NAT1: variants seen among roughly 807,000 people sequenced by gnomAD.
NAT1 encodes arylamine N-acetyltransferase 1.
For synonymous variants in NAT1, 144 were observed against 122.6 expected, an observed-to-expected ratio of 1.17 and a Z score of -1.16; for missense variants, 400 against 339.2, an observed-to-expected ratio of 1.18 and a Z score of -1.41.
At chr8:18,173,724 GT>G (rs1206887418) in intron 2 of NAT1, among the ~76,000 whole-genome samples, 1 of 152,102 alleles carries the variant, frequency 6.6e-6, no homozygotes, top group Non-Finnish European at 1.5e-5. Context: ...TCATAGATTT[GT>G]TGTGATTATT....
intron 2 of NAT1, among the ~76,000 whole-genome samples, chr8:18,194,818 TA>T (rs57703927): frequency 0.59 from 85,052 of 143,366 alleles, 25,825 homozygotes; most frequent in Non-Finnish European, 0.69. Context: ...GACTCTGTCT[TA>T]AAAAAAAAAA....
intron 1 of NAT1, among the ~76,000 whole-genome samples, chr8:18,214,093 A>G (rs1469381532): frequency 4.6e-5 from 7 of 152,162 alleles, no homozygotes; most frequent in South Asian, 2.1e-4. Flanking sequence ...GATTACAGGC[A>G]TGAGCAACCG....
intron 1 of NAT1, chr8:18,217,131 T>C (rs1804757297): frequency 1.6e-6 from 1 of 624,198 alleles, no homozygotes; most frequent in Non-Finnish European, 2.8e-6. Context: ...CCCTCTGGAG[T>C]CCCCATGATG....
At chr8:18,206,306 C>G (rs1282131703), upstream of NAT1, among the ~76,000 whole-genome samples, 1 of 152,168 alleles carries the variant, frequency 6.6e-6, no homozygotes, top group Non-Finnish European at 1.5e-5. Flanking sequence ...TGTGTGTTCC[C>G]TCTGTTCACT....
intron 2 of NAT1, among the ~76,000 whole-genome samples, chr8:18,204,654 A>G (rs1803630810): frequency 6.6e-6 from 1 of 152,238 alleles, no homozygotes; most frequent in African/African-American, 2.4e-5. Context: ...ATACAGATAT[A>G]GACAGTTCAA....
At chr8:18,207,521 A>T (rs976989372), upstream of NAT1, among the ~76,000 whole-genome samples, 1 of 152,218 alleles carries the variant, frequency 6.6e-6, no homozygotes, top group African/African-American at 2.4e-5. Flanking sequence ...CCATGAGCTC[A>T]CCATCACTGA....
At chr8:18,202,821 C>T (rs1033449519) in intron 2 of NAT1, among the ~76,000 whole-genome samples, 2 of 152,088 alleles carry the variant, frequency 1.3e-5, no homozygotes, top group African/African-American at 4.8e-5. Flanking sequence ...GCTTCCACAG[C>T]GTGGAAGGGG....
At chr8:18,188,420 C>G (rs774509234) in intron 2 of NAT1, among the ~76,000 whole-genome samples, 2 of 151,972 alleles carry the variant, frequency 1.3e-5, no homozygotes, top group Non-Finnish European at 2.9e-5. Flanking sequence ...TTAAGATATT[C>G]CAGCATGGGG....
At chr8:18,196,521 T>C (rs1370640367) in intron 2 of NAT1, among the ~76,000 whole-genome samples, 1 of 152,232 alleles carries the variant, frequency 6.6e-6, no homozygotes, top group Non-Finnish European at 1.5e-5. Context: ...TATAGGACCT[T>C]AAACTATCTC....
Position 18,222,274 on chromosome 8 carries a change from A to T in NAT1, c.227A>T (p.Tyr76Phe), listed in dbSNP as rs1184525084. Residue 76 changes from tyrosine to phenylalanine, a missense_variant, in exon 3 of 3, where the codon TAC becomes TTC. Tyr to Phe is a conservative substitution (Grantham distance 22). Coordinates refer to ENST00000307719, the MANE Select transcript of NAT1 (RefSeq NM_000662.8). Reference protein sequence around the residue: ...GWCLQVNHLLYWALTTIGFET... With the variant: ...GWCLQVNHLLFWALTTIGFET... ...TGTCTCCAGGTCAATCATCTTCTGT[A>T]CTGGGCTCTGACCACTATTGGTTTT... 6.2e-7 allele frequency: 1 copy of T among 1,613,982 alleles called. No homozygotes were observed. The highest frequency in any genetic ancestry group is 1.7e-5 in the Admixed American group (1 of 59,996).
chr8:18,201,856 C>T (rs558700910), intron 2 of NAT1, among the ~76,000 whole-genome samples: 7 of 152,138 alleles, frequency 4.6e-5, no homozygotes, highest in Non-Finnish European at 7.3e-5. Flanking sequence ...CATATGAAGC[C>T]CTGGAAGCTG....
At chr8:18,221,938 TA>T in intron 2 of NAT1, 103 bp from the exon 3 acceptor site, 1 of 1,202,710 alleles carries the variant, frequency 8.3e-7, no homozygotes, top group Non-Finnish European at 1.2e-6. Context: ...ATTATACTTA[TA>T]ACCATTGTAT....
chr8:18,173,315 C>G (rs971644), intron 2 of NAT1, among the ~76,000 whole-genome samples: 39,717 of 152,122 alleles, frequency 0.26, 5,755 homozygotes, highest in African/African-American at 0.37. Context: ...TGAGTTCATA[C>G]TATCTAGCAT....
At chr8:18,180,387 A>T (rs1218367495) in intron 2 of NAT1, among the ~76,000 whole-genome samples, 2 of 152,184 alleles carry the variant, frequency 1.3e-5, no homozygotes, top group Non-Finnish European at 2.9e-5. Context: ...GCAAGCAGGT[A>T]TGAAGCCTAT....
chr8:18,182,427 A>T (rs191697044), intron 2 of NAT1, among the ~76,000 whole-genome samples: 450 of 152,272 alleles, frequency 3.0e-3, no homozygotes, highest in Non-Finnish European at 5.1e-3. Flanking sequence ...ACTGATGTTT[A>T]TTGGAAGCTT....
At chr8:18,188,870 C>T (rs946285688) in intron 2 of NAT1, among the ~76,000 whole-genome samples, 2 of 151,160 alleles carry the variant, frequency 1.3e-5, no homozygotes, top group African/African-American at 4.9e-5. Flanking sequence ...TGGTGAACAC[C>T]TATAACCCCA....
At chr8:18,205,966 A>G (rs975779809), upstream of NAT1, among the ~76,000 whole-genome samples, 1 of 152,168 alleles carries the variant, frequency 6.6e-6, no homozygotes, top group African/African-American at 2.4e-5. Context: ...CAAGGGCTAA[A>G]GGCTCCTATG....
chr8:18,191,056 C>T (rs1307642307), intron 2 of NAT1, among the ~76,000 whole-genome samples: 1 of 111,356 alleles, frequency 9.0e-6, no homozygotes, highest in Non-Finnish European at 1.9e-5. Context: ...CAGAGCAAGA[C>T]TGTCCAAAAA....
chr8:18,213,557 C>A (rs960122209), intron 1 of NAT1, among the ~76,000 whole-genome samples: 3 of 152,066 alleles, frequency 2.0e-5, no homozygotes, highest in Non-Finnish European at 4.4e-5. Context: ...TCTAACCAAC[C>A]AAATAGCTTT....
Sources: allele counts gnomAD v4.1 joint callset (sites outside exome capture counted in the v4.1 genomes callset), GRCh38; gene constraint gnomAD v4.1.1; transcripts MANE v1.5; gene names NCBI Gene and HGNC (gene_info 2026-07-23, HGNC 2026-07-21).